The following DOCK1 variants were observed in gnomAD, a reference collection of about 807,000 sequenced individuals.
DOCK1 encodes dedicator of cytokinesis 1.
A neutral mutation model predicts 262.7 loss-of-function variants in DOCK1; 138 were observed. The observed-to-expected ratio is 0.53, with a 90% confidence interval of 0.46 to 0.61. The LOEUF is 0.61. DOCK1 is among the 20% of genes least tolerant of loss of function. The pLI, the probability that DOCK1 is intolerant of heterozygous loss-of-function variation, is 0.00. For synonymous variants in DOCK1, 866 were observed against 867.4 expected (o/e 1.00, Z 0.03); for missense variants, 1,908 against 2,370.7 (o/e 0.80, Z 4.05).
intron 15 of DOCK1, 157 bp downstream of exon 15, chr10:127,024,940 C>G: frequency 1.7e-6 from 1 of 582,104 alleles, no homozygotes. Context: ...AGGAACCACA[C>G]TGGTGTTTCT....
chr10:126,905,881 G>A (rs575810856), intron 1 of DOCK1, among the ~76,000 whole-genome samples: 174 of 152,148 alleles, frequency 1.1e-3, no homozygotes, highest in Admixed American at 2.5e-3. Context: ...GAGCCCCCCG[G>A]GCTACCCCCA....
At chr10:127,121,315 T>C (rs1171810875) in intron 25 of DOCK1, among the ~76,000 whole-genome samples, 1 of 151,588 alleles carries the variant, frequency 6.6e-6, no homozygotes, top group Admixed American at 6.6e-5. Flanking sequence ...GCCAAACCTG[T>C]AGAAATGACA....
chr10:126,907,538 C>G (rs995396283), intron 1 of DOCK1, among the ~76,000 whole-genome samples: 3 of 152,084 alleles, frequency 2.0e-5, no homozygotes, highest in Non-Finnish European at 4.4e-5. Flanking sequence ...GGTTCAGCTG[C>G]CACAGTGTCC....
intron 1 of DOCK1, among the ~76,000 whole-genome samples, chr10:126,958,571 C>T (rs965698142): frequency 1.8e-4 from 28 of 152,040 alleles, no homozygotes; most frequent in Admixed American, 9.2e-4. Flanking sequence ...ATTCTGGAGC[C>T]GTTGGTGGGG....
intron 29 of DOCK1, among the ~76,000 whole-genome samples, chr10:127,283,283 A>G (rs1212900219): frequency 2.6e-5 from 4 of 152,254 alleles, no homozygotes; most frequent in Non-Finnish European, 4.4e-5. Context: ...GTAGCAGGTC[A>G]GAAATGGGAA....
intron 25 of DOCK1, among the ~76,000 whole-genome samples, chr10:127,113,138 G>A (rs574733909): frequency 1.9e-4 from 29 of 152,120 alleles, no homozygotes; most frequent in African/African-American, 6.0e-4. Context: ...CTTTTTTCCT[G>A]TTTCTTGTTA....
chr10:127,084,641 A>C (rs1009279313), intron 23 of DOCK1, among the ~76,000 whole-genome samples: 3 of 152,226 alleles, frequency 2.0e-5, no homozygotes, highest in Admixed American at 1.3e-4. Context: ...GTACTTTGCT[A>C]TACCTTTCTA....
chr10:127,305,014 A>C (rs973204004), intron 29 of DOCK1, among the ~76,000 whole-genome samples: 34 of 152,098 alleles, frequency 2.2e-4, no homozygotes, highest in Admixed American at 1.3e-4. Flanking sequence ...TCCACTGATG[A>C]GCTTCTATAA....
intron 27 of DOCK1, among the ~76,000 whole-genome samples, chr10:127,195,790 G>T (rs535464042): frequency 3.1e-4 from 47 of 152,170 alleles, no homozygotes; most frequent in Non-Finnish European, 4.9e-4. Context: ...GCATAACCTT[G>T]CCCCCCACCT....
chr10:126,958,602 G>T (rs976996017), intron 1 of DOCK1, among the ~76,000 whole-genome samples: 1 of 152,148 alleles, frequency 6.6e-6, no homozygotes, highest in Non-Finnish European at 1.5e-5. Flanking sequence ...GTTAGGTAAA[G>T]CAGGTAGGTT....
chr10:127,049,238 C>T (rs554097862), intron 21 of DOCK1, among the ~76,000 whole-genome samples: 5 of 152,204 alleles, frequency 3.3e-5, no homozygotes, highest in East Asian at 1.9e-4. Context: ...AGTCATAGGC[C>T]GGGCATGGTG....
intron 27 of DOCK1, among the ~76,000 whole-genome samples, chr10:127,166,733 A>G (rs1020296728): frequency 3.3e-5 from 5 of 152,222 alleles, no homozygotes; most frequent in African/African-American, 7.2e-5. Context: ...CAGGAATTGC[A>G]TGGAGTTTTT....
chr10:127,199,658 A>G (rs1366255454), intron 27 of DOCK1, among the ~76,000 whole-genome samples: 1 of 152,214 alleles, frequency 6.6e-6, no homozygotes, highest in Non-Finnish European at 1.5e-5. Context: ...ATGGTGGAAA[A>G]TATCAGAATG....
intron 29 of DOCK1, among the ~76,000 whole-genome samples, chr10:127,274,936 T>C (rs1017575350): frequency 2.6e-5 from 4 of 152,158 alleles, no homozygotes; most frequent in Non-Finnish European, 5.9e-5. Context: ...CTCCCAAGAA[T>C]CAATTTCACC....
chr10:126,949,607 G>C (rs935781953), intron 1 of DOCK1, among the ~76,000 whole-genome samples: 3 of 152,110 alleles, frequency 2.0e-5, no homozygotes, highest in Non-Finnish European at 4.4e-5. Context: ...AGCATCGGGT[G>C]TTGAATGTCC....
chr10:127,434,149 C>CT (rs758390512), intron 48 of DOCK1, among the ~76,000 whole-genome samples: 133 of 143,418 alleles, frequency 9.3e-4, no homozygotes, highest in East Asian at 6.3e-3. Flanking sequence ...GCCGGGCCTT[C>CT]TTTTTTTTTT....
chr10:127,404,575 G>A (rs563923671), intron 40 of DOCK1, 146 bp downstream of exon 40: 437 of 689,642 alleles, frequency 6.3e-4, no homozygotes, highest in Non-Finnish European at 9.0e-4. Context: ...TAGCCCGGGG[G>A]GCAGAGAGGG....
intron 23 of DOCK1, among the ~76,000 whole-genome samples, chr10:127,064,589 T>C (rs76597772): frequency 0.039 from 5,978 of 152,236 alleles, 336 homozygotes; most frequent in East Asian, 0.13. Context: ...AGTGTGTGGA[T>C]GCTGCCTGCC....
At chr10:126,993,990 C>G (rs1472294022) in intron 6 of DOCK1, among the ~76,000 whole-genome samples, 5 of 152,180 alleles carry the variant, frequency 3.3e-5, no homozygotes, top group Non-Finnish European at 1.5e-5. Context: ...TAAAGATGTT[C>G]TCTAATTGAA....
Sources: gnomAD v4.1 joint callset for allele counts (sites outside exome capture counted in the v4.1 genomes callset) on GRCh38, gnomAD v4.1.1 for gene constraint, MANE v1.5 for transcripts, NCBI Gene and HGNC (gene_info 2026-07-23, HGNC 2026-07-21) for gene names.